REEP1: variants seen among roughly 807,000 people sequenced by gnomAD.
REEP1 encodes receptor expression-enhancing protein 1.
In REEP1, 22 loss-of-function variants were observed where a neutral mutation model predicts 40.3. The ratio of observed to expected loss-of-function variants is 0.55; its 90% CI spans 0.39 to 0.78. REEP1 has a LOEUF of 0.78. Ranked by LOEUF, REEP1 falls within the 30% of genes least tolerant of loss-of-function variation. The pLI, the probability that REEP1 is intolerant of heterozygous loss-of-function variation, is 0.00. For synonymous variants in REEP1, 116 were observed against 139.2 expected (o/e 0.83, Z 1.17); for missense variants, 280 against 361.1 (o/e 0.78, Z 1.82).
At chr2:86,320,656 A>T (rs1018708694) in intron 1 of REEP1, among the ~76,000 whole-genome samples, 14 of 152,240 alleles carry the variant, frequency 9.2e-5, no homozygotes, top group South Asian at 6.2e-4. Flanking sequence ...ATCATAAAAT[A>T]TGGCCAGTTT....
At chr2:86,315,627 G>T (rs1679960522) in intron 1 of REEP1, among the ~76,000 whole-genome samples, 1 of 152,166 alleles carries the variant, frequency 6.6e-6, no homozygotes, top group Non-Finnish European at 1.5e-5. Flanking sequence ...TGCACAGGGG[G>T]TACTCAGTAA....
At chr2:86,270,171 TTTTGTTTGTTTGTTTGTTTG>T (rs199623683) in intron 2 of REEP1, among the ~76,000 whole-genome samples, 3 of 109,184 alleles carry the variant, frequency 2.7e-5, no homozygotes, top group East Asian at 3.1e-4. Flanking sequence ...ATCATTTTTC[TTTTGTTTGTTTGTTTGTTTG>T]TTTGTTTGTT....
chr2:86,282,280 AT>A, intron 1 of REEP1, 38 bp from the exon 2 acceptor site: 1 of 1,411,830 alleles, frequency 7.1e-7, no homozygotes, highest in Non-Finnish European at 1.0e-6. Flanking sequence ...ACGATTTTTC[AT>A]TTATCTTATT....
chr2:86,266,488 C>T (rs1041397570), intron 2 of REEP1, among the ~76,000 whole-genome samples: 1 of 149,896 alleles, frequency 6.7e-6, no homozygotes, highest in Non-Finnish European at 1.5e-5. Context: ...GCGCGGTGGC[C>T]GGCGCCTGTA....
At chr2:86,291,735 G>A (rs921356521) in intron 1 of REEP1, among the ~76,000 whole-genome samples, 5 of 152,110 alleles carry the variant, frequency 3.3e-5, no homozygotes, top group Admixed American at 3.3e-4. Context: ...CTGTCTCCAC[G>A]TCCCTGGCCA....
intron 1 of REEP1, among the ~76,000 whole-genome samples, chr2:86,316,148 A>C (rs992659354): frequency 6.6e-6 from 1 of 152,128 alleles, no homozygotes; most frequent in Non-Finnish European, 1.5e-5. Context: ...TGAAATCAGC[A>C]CCATTCTAGA....
Position 86,263,213 on chromosome 2 carries a change from A to G in REEP1, c.182+752T>C, listed in dbSNP as rs184640670. The stretch of plus-strand genomic sequence containing the variant: ...GTAAAATGTGTGTATACACACACAC[A>G]TATATTAGTTTTTGTTTGTTTGTTT... On this transcript the variant is annotated intron_variant, in intron 3 of 8. Transcript: ENST00000538924. Among the ~76,000 whole-genome samples the G allele has an allele frequency of 6.6e-5, 10 of 152,280 alleles. No homozygotes were observed. The South Asian group carries it at 2.1e-3, about 32-fold the overall frequency.
intron 5 of REEP1, among the ~76,000 whole-genome samples, chr2:86,245,764 ATTTT>A (rs869240092): frequency 1.5e-5 from 2 of 133,926 alleles, no homozygotes; most frequent in South Asian, 4.8e-4. Context: ...CATATACTCA[ATTTT>A]TTTTTTTTTT....
At position 86,234,581 on chromosome 2, in the gene REEP1, G is replaced by C. The variant is rs780250635; in HGVS notation, c.418-1779C>G. On this transcript the variant is annotated intron_variant, in intron 5 of 8. Coordinates refer to ENST00000538924, the MANE Select transcript of REEP1 (RefSeq NM_001371279.1). ...GCAAGATGCACTAAAATATGAACTA[G>C]ATCTGTTCCCAACCTACCAAAGATA... 1.2e-4 allele frequency among the ~76,000 whole-genome samples: 19 copies of C among 152,256 alleles called. 1 individual carries two copies. Among genetic ancestry groups the C allele is most frequent in the Admixed American group, 5.9e-4 (9 of 15,298 alleles).
chr2:86,291,006 G>A (rs1176880161), intron 1 of REEP1, among the ~76,000 whole-genome samples: 2 of 152,192 alleles, frequency 1.3e-5, no homozygotes, highest in Admixed American at 6.5e-5. Context: ...ATTTTTGAGT[G>A]CTCACTTTTA....
At chr2:86,225,758 C>A (rs570405952) in intron 7 of REEP1, among the ~76,000 whole-genome samples, 1 of 152,218 alleles carries the variant, frequency 6.6e-6, no homozygotes, top group African/African-American at 2.4e-5. Context: ...AGGCACCTTG[C>A]GTGCCTTCCT....
chr2:86,266,133 G>T (rs1239861408), intron 2 of REEP1, among the ~76,000 whole-genome samples: 1 of 152,114 alleles, frequency 6.6e-6, no homozygotes, highest in East Asian at 1.9e-4. Context: ...GCTTTAAAAG[G>T]TATCAATACG....
At chr2:86,331,662 G>T (rs1489947313) in intron 1 of REEP1, among the ~76,000 whole-genome samples, 1 of 152,152 alleles carries the variant, frequency 6.6e-6, no homozygotes, top group Non-Finnish European at 1.5e-5. Flanking sequence ...AGAACTGCCA[G>T]GTGACTGACA....
At chr2:86,311,400 C>A (rs557320716) in intron 1 of REEP1, among the ~76,000 whole-genome samples, 1 of 152,266 alleles carries the variant, frequency 6.6e-6, no homozygotes, top group Admixed American at 6.5e-5. Context: ...TAGCTTAAAA[C>A]AACAGAAATT....
intron 4 of REEP1, among the ~76,000 whole-genome samples, chr2:86,252,612 A>G (rs940819146): frequency 6.6e-6 from 1 of 152,254 alleles, no homozygotes; most frequent in Non-Finnish European, 1.5e-5. Flanking sequence ...TAGTTTCAAT[A>G]AATGATAACC....
At chr2:86,237,099 C>T (rs572429718) in intron 5 of REEP1, among the ~76,000 whole-genome samples, 4 of 152,252 alleles carry the variant, frequency 2.6e-5, no homozygotes, top group East Asian at 1.9e-4. Context: ...CAATTGCTGC[C>T]GCCCTGACAT....
intron 1 of REEP1, among the ~76,000 whole-genome samples, chr2:86,326,783 C>T (rs1680531585): frequency 6.6e-6 from 1 of 152,158 alleles, no homozygotes; most frequent in African/African-American, 2.4e-5. Flanking sequence ...AAGCCAGGAG[C>T]TCCCTGCCTC....
Position 86,256,067 on chromosome 2 carries a change from G to A in REEP1, c.183-1253C>T, listed in dbSNP as rs1195437167. Among the ~76,000 whole-genome samples, 7 of 152,252 alleles carry A rather than the reference G, an allele frequency of 4.6e-5. No individual in the cohort carries two copies. The South Asian group carries it at 1.2e-3, about 27-fold the overall frequency. ...TGCTAGAGATAGTAAAGAACTCACT[G>A]GCCGGGCGCGGTGGCTCATGCCTGT... On this transcript the variant is annotated intron_variant, in intron 3 of 8. Transcript: ENST00000538924.
chr2:86,243,013 A>G (rs1193873071), intron 5 of REEP1, among the ~76,000 whole-genome samples: 2 of 152,186 alleles, frequency 1.3e-5, no homozygotes, highest in East Asian at 1.9e-4. Context: ...ACTGTCAACT[A>G]AAGTATGAAG....
Sources: allele counts gnomAD v4.1 joint callset (sites outside exome capture counted in the v4.1 genomes callset), GRCh38; gene constraint gnomAD v4.1.1; transcripts MANE v1.5; gene names NCBI Gene and HGNC (gene_info 2026-07-23, HGNC 2026-07-21).